BCAR3: variants seen among roughly 807,000 people sequenced by gnomAD.
The protein encoded by BCAR3 is breast cancer anti-estrogen resistance protein 3.
Under a neutral mutation model 80.1 loss-of-function variants are expected in BCAR3, and 37 were observed. The ratio of observed to expected loss-of-function variants is 0.46; its 90% confidence interval spans 0.36 to 0.61. BCAR3 has a LOEUF of 0.61. Ranked by LOEUF, BCAR3 falls within the 20% of genes least tolerant of loss-of-function variation. The pLI, the probability that BCAR3 is intolerant of heterozygous loss-of-function variation, is 0.00. For missense variants in BCAR3, 978 were observed against 1,068.2 expected, an observed-to-expected ratio of 0.92 and a Z score of 1.18; for synonymous variants, 389 against 418.9, an observed-to-expected ratio of 0.93 and a Z score of 0.87.
chr1:93,593,181 T>C (rs1295113117), intron 3 of BCAR3, among the ~76,000 whole-genome samples: 1 of 152,048 alleles, frequency 6.6e-6, no homozygotes, highest in Non-Finnish European at 1.5e-5. Flanking sequence ...GAACTGAACC[T>C]GGAAACCTGC....
intron 2 of BCAR3, among the ~76,000 whole-genome samples, chr1:93,764,159 A>G (rs561005529): frequency 5.3e-5 from 8 of 152,010 alleles, no homozygotes; most frequent in African/African-American, 1.7e-4. Flanking sequence ...GATTTGACTC[A>G]TCACAGCCCC....
chr1:93,711,984 C>T (rs1361023784), intron 2 of BCAR3, among the ~76,000 whole-genome samples: 1 of 152,178 alleles, frequency 6.6e-6, no homozygotes, highest in Admixed American at 6.5e-5. Flanking sequence ...CTGATTTGCA[C>T]AGGCTTTGCA....
intron 3 of BCAR3, among the ~76,000 whole-genome samples, chr1:93,697,565 G>C (rs1211074096): frequency 6.6e-6 from 1 of 152,178 alleles, no homozygotes; most frequent in African/African-American, 2.4e-5. Flanking sequence ...AGGAGATGGG[G>C]AGACCTTCAC....
At chr1:93,773,029 A>G (rs1652414834) in intron 2 of BCAR3, among the ~76,000 whole-genome samples, 1 of 152,212 alleles carries the variant, frequency 6.6e-6, no homozygotes, top group Non-Finnish European at 1.5e-5. Flanking sequence ...GCACCCTGGT[A>G]TTCTGTCTCT....
intron 2 of BCAR3, among the ~76,000 whole-genome samples, chr1:93,804,092 C>T (rs1043779122): frequency 6.6e-6 from 1 of 152,136 alleles, no homozygotes; most frequent in Non-Finnish European, 1.5e-5. Flanking sequence ...GGGAGGATGG[C>T]TTACAGCCAG....
intron 3 of BCAR3, among the ~76,000 whole-genome samples, chr1:93,702,319 G>C (rs768528875): frequency 1.3e-5 from 2 of 152,176 alleles, no homozygotes; most frequent in African/African-American, 2.4e-5. Context: ...AGGAGGGAGA[G>C]TTTTGACAAG....
At chr1:93,785,911 C>T (rs547672472) in intron 2 of BCAR3, among the ~76,000 whole-genome samples, 4 of 146,540 alleles carry the variant, frequency 2.7e-5, no homozygotes, top group East Asian at 2.1e-4. Context: ...ATAAAAGTGC[C>T]GGCCGGGCGC....
chr1:93,688,822 A>G (rs1649066547), intron 3 of BCAR3, among the ~76,000 whole-genome samples: 1 of 151,862 alleles, frequency 6.6e-6, no homozygotes. Flanking sequence ...TTTTTAGTAG[A>G]GACAGGGTTT....
intron 2 of BCAR3, among the ~76,000 whole-genome samples, chr1:93,731,646 G>GTAAAA (rs3068528): frequency 0.046 from 6,764 of 147,298 alleles, 256 homozygotes; most frequent in African/African-American, 0.11. Flanking sequence ...AGATGTTAAA[G>GTAAAA]TAAAATAAAA....
intron 2 of BCAR3, among the ~76,000 whole-genome samples, chr1:93,711,466 G>C (rs1461186434): frequency 6.6e-6 from 1 of 152,174 alleles, no homozygotes. Context: ...AGAATGGATA[G>C]GTATGAGGCC....
At chr1:93,567,972 A>G (rs1251226763) in intron 9 of BCAR3, 121 bp from the exon 10 acceptor site, 1 of 713,096 alleles carries the variant, frequency 1.4e-6, no homozygotes, top group Non-Finnish European at 2.4e-6. Flanking sequence ...GGATCACTTG[A>G]GGTCAGGAGT....
At position 93,618,380 on chromosome 1, in the gene BCAR3, C is replaced by G. The variant is rs147316949; in HGVS notation, c.357+23924G>C. Among the ~76,000 whole-genome samples, 1,124 of 152,326 alleles carry G rather than the reference C, an allele frequency of 7.4e-3. 17 individuals are homozygous for G. Among genetic ancestry groups the G allele is most frequent in the African/African-American group, 0.026 (1,076 of 41,572 alleles). ...AAAGAGTATGGCTGTTAAATGGTCT[C>G]TATCCGGAAGCAATATTGATCTGCC... On this transcript the variant is annotated intron_variant, in intron 3 of 11. Coordinates refer to ENST00000260502, the MANE Select transcript of BCAR3 (RefSeq NM_003567.4).
chr1:93,675,245 G>A lies in BCAR3; in HGVS notation c.-11-304C>T, dbSNP rs115010494. ...AACCAGCAAAAAAAGATGATTAAGA[G>A]AGGACTCATAGTTGCAGTAATAAAT... On this transcript the variant is annotated intron_variant, in intron 1 of 11. Transcript: ENST00000260502. 9.8e-3 allele frequency among the ~76,000 whole-genome samples: 1,488 copies of A among 152,312 alleles called. 20 individuals are homozygous for A. The highest frequency in any genetic ancestry group is 0.011 in the Non-Finnish European group (767 of 68,026).
At chr1:93,569,901 C>CAA (rs1673138647) in intron 9 of BCAR3, among the ~76,000 whole-genome samples, 1 of 152,200 alleles carries the variant, frequency 6.6e-6, no homozygotes. Flanking sequence ...AAGGCTTTAC[C>CAA]CACAGCCTGG....
Position 93,681,605 on chromosome 1 carries a change from C to A in BCAR3, c.-19G>T, listed in dbSNP as rs1571040817. ...CGCGCGGCGGAGACTCACCTCCCGG[C>A]GCGGCGCTGGGCGCTCGGGCTCTCA... On this transcript the variant is annotated 5_prime_UTR_variant, in exon 1 of 12. Transcript: ENST00000260502. 2.0e-5 allele frequency: 3 copies of A among 152,004 alleles called. No individual in the cohort carries two copies. The highest frequency in any genetic ancestry group is 6.5e-5 in the Admixed American group (1 of 15,272). The allele number at this position is 152,004 out of a possible 1,614,324, so 9.4% of individuals were successfully genotyped here.
intron 11 of BCAR3, among the ~76,000 whole-genome samples, chr1:93,563,114 T>C (rs947992624): frequency 6.6e-6 from 1 of 152,214 alleles, no homozygotes; most frequent in Non-Finnish European, 1.5e-5. Flanking sequence ...TGTTTTTGGC[T>C]GTGGAGTTTG....
intron 2 of BCAR3, among the ~76,000 whole-genome samples, chr1:93,752,450 T>G (rs1337535174): frequency 6.6e-6 from 1 of 152,238 alleles, no homozygotes; most frequent in South Asian, 2.1e-4. Flanking sequence ...CACCCACGGC[T>G]GCAGACATTT....
intron 3 of BCAR3, among the ~76,000 whole-genome samples, chr1:93,613,424 G>A (rs1209199489): frequency 6.6e-6 from 1 of 152,200 alleles, no homozygotes. Context: ...GAAATATTGT[G>A]TGGCTTCTGT....
chr1:93,694,303 A>C (rs1319111821), intron 3 of BCAR3, among the ~76,000 whole-genome samples: 1 of 152,216 alleles, frequency 6.6e-6, no homozygotes, highest in Non-Finnish European at 1.5e-5. Context: ...AATGCCCTGC[A>C]TGAATCATCA....
Sources: gnomAD v4.1 joint callset for allele counts (sites outside exome capture counted in the v4.1 genomes callset) on GRCh38, gnomAD v4.1.1 for gene constraint, MANE v1.5 for transcripts, NCBI Gene and HGNC (gene_info 2026-07-23, HGNC 2026-07-21) for gene names.